PPP1R9A: variants seen among roughly 807,000 people sequenced by gnomAD.
The protein encoded by PPP1R9A is neurabin-1.
Under a neutral mutation model 141.9 loss-of-function variants are expected in PPP1R9A, and 59 were observed. The observed-to-expected ratio is 0.42, with a 90% CI of 0.34 to 0.52. The LOEUF is 0.52. PPP1R9A is among the 20% of genes least tolerant of loss of function. The probability of loss-of-function intolerance (pLI) is 0.10; values close to 1 mark genes in which losing one functional copy is unlikely to be tolerated. For synonymous variants in PPP1R9A, 500 were observed against 569.7 expected (o/e 0.88, Z 1.74); for missense variants, 1,444 against 1,611.9 (o/e 0.90, Z 1.78).
At chr7:95,121,140 G>T (rs1317259164) in intron 4 of PPP1R9A, among the ~76,000 whole-genome samples, 1 of 152,094 alleles carries the variant, frequency 6.6e-6, no homozygotes, top group Non-Finnish European at 1.5e-5. Context: ...GTGCTATGGA[G>T]GTCAGCACAT....
intron 12 of PPP1R9A, among the ~76,000 whole-genome samples, chr7:95,258,373 T>G (rs1332090415): frequency 6.6e-6 from 1 of 152,210 alleles, no homozygotes; most frequent in Non-Finnish European, 1.5e-5. Context: ...TGTTTGTTTT[T>G]TTCTTGTAAA....
chr7:95,243,479 A>G (rs1797731668), intron 8 of PPP1R9A, among the ~76,000 whole-genome samples: 1 of 152,148 alleles, frequency 6.6e-6, no homozygotes, highest in South Asian at 2.1e-4. Flanking sequence ...ACCATTTTGC[A>G]TTCACTGTCA....
intron 2 of PPP1R9A, chr7:95,036,109 A>C (rs1426659359): frequency 1.3e-5 from 2 of 152,204 alleles, no homozygotes; most frequent in Non-Finnish European, 2.9e-5. Flanking sequence ...GTGGGTCATG[A>C]AGTAGATTTT....
At chr7:94,972,834 G>A (rs749064809) in intron 2 of PPP1R9A, among the ~76,000 whole-genome samples, 4 of 152,188 alleles carry the variant, frequency 2.6e-5, no homozygotes, top group Non-Finnish European at 5.9e-5. Flanking sequence ...TAACTACCAT[G>A]TTACTGATGG....
chr7:95,236,150 A>C (rs894539087), intron 8 of PPP1R9A, among the ~76,000 whole-genome samples: 2 of 152,212 alleles, frequency 1.3e-5, no homozygotes, highest in African/African-American at 2.4e-5. Flanking sequence ...ACAACAACAA[A>C]AAAATTTTAA....
intron 2 of PPP1R9A, among the ~76,000 whole-genome samples, chr7:94,941,269 C>T (rs1201994774): frequency 1.3e-5 from 2 of 152,036 alleles, no homozygotes; most frequent in African/African-American, 4.8e-5. Context: ...AAGCAGAGAT[C>T]AGTTTTGCCT....
At chr7:95,125,449 A>G (rs1037725726) in intron 4 of PPP1R9A, among the ~76,000 whole-genome samples, 1 of 152,138 alleles carries the variant, frequency 6.6e-6, no homozygotes, top group African/African-American at 2.4e-5. Context: ...ATTGACTATT[A>G]GTTTTTGTTG....
intron 4 of PPP1R9A, among the ~76,000 whole-genome samples, chr7:95,148,722 AAGAG>A (rs972217734): frequency 3.3e-5 from 5 of 151,962 alleles, no homozygotes; most frequent in Non-Finnish European, 7.4e-5. Flanking sequence ...AACCTTCAAA[AAGAG>A]AGAACAACAC....
intron 12 of PPP1R9A, among the ~76,000 whole-genome samples, chr7:95,261,819 G>T: frequency 6.6e-6 from 1 of 152,138 alleles, no homozygotes; most frequent in South Asian, 2.1e-4. Flanking sequence ...GTCTTTGCAA[G>T]TACTTAAAAA....
intron 2 of PPP1R9A, among the ~76,000 whole-genome samples, chr7:94,964,801 G>A (rs1798021372): frequency 6.6e-6 from 1 of 152,160 alleles, no homozygotes; most frequent in Admixed American, 6.6e-5. Context: ...ACATACGTGT[G>A]CATGTGTCTT....
At chr7:94,945,000 A>G (rs1795744889) in intron 2 of PPP1R9A, among the ~76,000 whole-genome samples, 1 of 152,030 alleles carries the variant, frequency 6.6e-6, no homozygotes, top group African/African-American at 2.4e-5. Flanking sequence ...CCAAGAGGTA[A>G]ACTTTTGCTC....
At chr7:95,089,001 TA>T (rs1816982681) in intron 2 of PPP1R9A, among the ~76,000 whole-genome samples, 1 of 151,988 alleles carries the variant, frequency 6.6e-6, no homozygotes, top group African/African-American at 2.4e-5. Flanking sequence ...GATGTGGGCC[TA>T]AAAAGGTCAA....
At chr7:95,287,364 T>A (rs1342989710) in intron 18 of PPP1R9A, among the ~76,000 whole-genome samples, 2 of 152,222 alleles carry the variant, frequency 1.3e-5, no homozygotes, top group Admixed American at 1.3e-4. Flanking sequence ...CCTCGATTTC[T>A]CTTCCATCAC....
chr7:94,910,768 A>C lies in PPP1R9A; in HGVS notation c.655A>C (p.Ile219Leu), dbSNP rs1021933142. ...FENTDSPSAI[I>L]SEKAENNEYS... ...GAACACTGATTCTCCCAGTGCCATC[A>C]TTTCTGAGAAGGCTGAAAACAATGA... The change falls in exon 2 of 20, where the codon ATT becomes CTT. Residue 219 changes from isoleucine (I) to leucine (L), a missense_variant. Coordinates refer to ENST00000433360, the MANE Select transcript of PPP1R9A (RefSeq NM_001166160.2). The surrounding 1 kb of genome is among the most constrained non-coding windows in gnomAD (Gnocchi z 4.5). The C allele has an allele frequency of 1.2e-6, 2 of 1,614,130 alleles. No individual in the cohort carries two copies. The highest frequency in any genetic ancestry group is 4.5e-5 in the East Asian group (2 of 44,868).
intron 19 of PPP1R9A, among the ~76,000 whole-genome samples, chr7:95,288,975 G>A (rs894701135): frequency 7.2e-5 from 11 of 152,014 alleles, no homozygotes; most frequent in African/African-American, 2.7e-4. Flanking sequence ...GGCAACACAT[G>A]GTCCATATAT....
At chr7:95,164,741 C>CTTTTTTTTTT (rs200177321) in intron 5 of PPP1R9A, among the ~76,000 whole-genome samples, 339 of 65,942 alleles carry the variant, frequency 5.1e-3, no homozygotes, top group East Asian at 7.5e-3. Context: ...CTTTTCTTTT[C>CTTTTTTTTTT]TTTTTTTTTT....
intron 4 of PPP1R9A, among the ~76,000 whole-genome samples, chr7:95,121,491 A>C (rs1462948172): frequency 2.6e-5 from 4 of 151,112 alleles, no homozygotes; most frequent in Admixed American, 6.6e-5. Flanking sequence ...CTATCTATCT[A>C]TCTATCTATC....
chr7:95,251,017 A>G (rs926886347), intron 10 of PPP1R9A, among the ~76,000 whole-genome samples: 5 of 152,170 alleles, frequency 3.3e-5, no homozygotes, highest in African/African-American at 9.7e-5. Flanking sequence ...AGCTAAGCAT[A>G]TATGTAAGAT....
chr7:95,260,160 AC>A (rs1379083812), intron 12 of PPP1R9A, among the ~76,000 whole-genome samples: 1 of 152,184 alleles, frequency 6.6e-6, no homozygotes, highest in Non-Finnish European at 1.5e-5. Context: ...CTGTCCTCTT[AC>A]TTAAAAAGCA....
Sources: gnomAD v4.1 joint callset for allele counts (sites outside exome capture counted in the v4.1 genomes callset) on GRCh38, gnomAD v4.1.1 for gene constraint, Gnocchi (gnomAD v3.1) non-coding constraint, MANE v1.5 for transcripts, NCBI Gene and HGNC (gene_info 2026-07-23, HGNC 2026-07-21) for gene names.